Variants in ZBTB20 observed in about 807,000 individuals in gnomAD.
The protein encoded by ZBTB20 is zinc finger and BTB domain-containing protein 20.
In ZBTB20, 9 loss-of-function variants were observed where a neutral mutation model predicts 56.9. That is an observed-to-expected ratio of 0.16 (90% confidence interval 0.10 to 0.28). The LOEUF (loss-of-function observed/expected upper bound fraction) is 0.28. Among genes scored for constraint, ZBTB20 ranks in the 10% least tolerant of loss-of-function variants. The pLI, the probability that ZBTB20 is intolerant of heterozygous loss-of-function variation, is 1.00. For missense variants in ZBTB20, 655 were observed against 1,003.0 expected, an observed-to-expected ratio of 0.65 and a Z score of 4.69; for synonymous variants, 417 against 420.7, an observed-to-expected ratio of 0.99 and a Z score of 0.11.
chr3:114,975,228 T>C (rs2078047853), intron 2 of ZBTB20, among the ~76,000 whole-genome samples: 1 of 152,268 alleles, frequency 6.6e-6, no homozygotes, highest in East Asian at 1.9e-4. Flanking sequence ...CTATTAAAAA[T>C]TGAATTTGAT....
chr3:115,046,624 T>C (rs565127603), intron 2 of ZBTB20, among the ~76,000 whole-genome samples: 1 of 152,332 alleles, frequency 6.6e-6, no homozygotes, highest in East Asian at 1.9e-4. Context: ...GAATAGTTTT[T>C]ATAGGATTTA....
chr3:114,786,276 A>T (rs919526737), intron 5 of ZBTB20, among the ~76,000 whole-genome samples: 1 of 151,958 alleles, frequency 6.6e-6, no homozygotes, highest in African/African-American at 2.4e-5. Context: ...ATTTCTCCTA[A>T]TGCTATCCCT....
chr3:114,519,901 C>T (rs2046439823), intron 6 of ZBTB20: 7 of 151,872 alleles, frequency 4.6e-5, no homozygotes, highest in Admixed American at 4.6e-4. Context: ...CAAGTATTGT[C>T]AGACAGAACA....
intron 1 of ZBTB20, among the ~76,000 whole-genome samples, chr3:115,106,260 G>T (rs1484225309): frequency 1.5e-5 from 2 of 135,622 alleles, no homozygotes; most frequent in Non-Finnish European, 3.2e-5. Context: ...TTGAGACAGA[G>T]TCTCACTCTG....
chr3:114,517,995 T>C (rs745824029), intron 6 of ZBTB20, among the ~76,000 whole-genome samples: 51 of 152,132 alleles, frequency 3.4e-4, no homozygotes, highest in Admixed American at 2.8e-3. Context: ...GGGGAAAAAT[T>C]TGAACAACAA....
At position 114,987,510 on chromosome 3, in the gene ZBTB20, AT is replaced by A. The variant is rs770238304; in HGVS notation, c.-506-13095del. ...AGGAGAAATCACAAAACGTTGCAAT[AT>A]TTTCAAAAGAGGATGAAGTGCTCAC... On this transcript the variant is annotated intron_variant, in intron 2 of 11. Transcript: ENST00000675478. 4.0e-4 allele frequency among the ~76,000 whole-genome samples: 61 copies of A among 152,148 alleles called. 1 individual carries two copies. Among genetic ancestry groups the A allele is most frequent in the Admixed American group, 1.7e-3 (26 of 15,266 alleles).
chr3:114,517,506 A>C (rs923887608), intron 6 of ZBTB20, among the ~76,000 whole-genome samples: 2 of 152,120 alleles, frequency 1.3e-5, no homozygotes, highest in African/African-American at 4.8e-5. Flanking sequence ...GGCAGTGTGC[A>C]GGCTTAAAGT....
chr3:115,128,184 A>T (rs571883719), intron 1 of ZBTB20, among the ~76,000 whole-genome samples: 1 of 152,350 alleles, frequency 6.6e-6, no homozygotes, highest in South Asian at 2.1e-4. Context: ...AAATATATTT[A>T]AAAATATGTC....
chr3:114,402,051 A>G (rs2086867370), intron 7 of ZBTB20, among the ~76,000 whole-genome samples: 1 of 152,196 alleles, frequency 6.6e-6, no homozygotes, highest in Non-Finnish European at 1.5e-5. Context: ...AGAAAATTAC[A>G]GATGGCAATC....
intron 5 of ZBTB20, among the ~76,000 whole-genome samples, chr3:114,716,966 A>G (rs891791581): frequency 2.0e-5 from 3 of 152,136 alleles, no homozygotes; most frequent in African/African-American, 7.2e-5. Flanking sequence ...TAAACAAAAC[A>G]AAACAAAACA....
At chr3:115,039,179 G>A (rs1270420636) in intron 2 of ZBTB20, among the ~76,000 whole-genome samples, 3 of 151,858 alleles carry the variant, frequency 2.0e-5, no homozygotes, top group Non-Finnish European at 2.9e-5. Flanking sequence ...ATGGTCAGAT[G>A]GCATGATCAA....
chr3:114,997,501 A>G (rs1414629901), intron 2 of ZBTB20, among the ~76,000 whole-genome samples: 3 of 151,862 alleles, frequency 2.0e-5, no homozygotes, highest in Non-Finnish European at 4.4e-5. Flanking sequence ...TGGTTTCCAA[A>G]GAAATAAAGT....
At chr3:114,566,859 T>C (rs1429974658) in intron 6 of ZBTB20, among the ~76,000 whole-genome samples, 1 of 152,230 alleles carries the variant, frequency 6.6e-6, no homozygotes. Flanking sequence ...AATCTGTCCC[T>C]AGACCTGAGG....
chr3:115,109,244 GGAAAGA>G (rs1560579048), intron 1 of ZBTB20, among the ~76,000 whole-genome samples: 4 of 152,004 alleles, frequency 2.6e-5, no homozygotes, highest in African/African-American at 9.7e-5. Context: ...CAAAAGGAAA[GGAAAGA>G]GAAACTACAG....
chr3:115,099,756 T>C (rs900747062), intron 1 of ZBTB20, among the ~76,000 whole-genome samples: 1 of 152,074 alleles, frequency 6.6e-6, no homozygotes, highest in Non-Finnish European at 1.5e-5. Flanking sequence ...GGCAAATAAC[T>C]AACAAAACCG....
intron 6 of ZBTB20, among the ~76,000 whole-genome samples, chr3:114,682,097 G>A (rs959258182): frequency 6.6e-6 from 1 of 152,008 alleles, no homozygotes; most frequent in Non-Finnish European, 1.5e-5. Flanking sequence ...AAAAAAGGAT[G>A]GTGAATGTGG....
chr3:114,662,346 A>T (rs1241540581), intron 6 of ZBTB20, among the ~76,000 whole-genome samples: 1 of 148,264 alleles, frequency 6.7e-6, no homozygotes, highest in Non-Finnish European at 1.5e-5. Context: ...GCTATTGTGA[A>T]TAATGCCGCA....
chr3:114,433,842 T>G (rs984633510), intron 7 of ZBTB20, among the ~76,000 whole-genome samples: 1 of 152,144 alleles, frequency 6.6e-6, no homozygotes, highest in African/African-American at 2.4e-5. Flanking sequence ...ATAGACATAC[T>G]GAAATGACTC....
At chr3:114,769,174 T>G (rs1191478372) in intron 5 of ZBTB20, among the ~76,000 whole-genome samples, 3 of 152,152 alleles carry the variant, frequency 2.0e-5, no homozygotes, top group Admixed American at 1.3e-4. Context: ...CGTTTAATCA[T>G]TTTGTTAGAA....
Sources: gnomAD v4.1 joint callset for allele counts (sites outside exome capture counted in the v4.1 genomes callset) on GRCh38, gnomAD v4.1.1 for gene constraint, MANE v1.5 for transcripts, NCBI Gene and HGNC (gene_info 2026-07-23, HGNC 2026-07-21) for gene names.